Variants in MEF2A observed in about 807,000 individuals in gnomAD.
MEF2A encodes the protein myocyte-specific enhancer factor 2A.
A neutral mutation model predicts 55.8 loss-of-function variants in MEF2A; 28 were observed. That is an observed-to-expected ratio of 0.50 (90% CI 0.37 to 0.69). MEF2A has a LOEUF of 0.69. MEF2A is among the 30% of genes least tolerant of loss of function. The pLI is 0.00. For synonymous variants in MEF2A, 239 were observed against 227.1 expected (o/e 1.05, Z -0.47); for missense variants, 528 against 626.2 (o/e 0.84, Z 1.67).
At chr15:99,638,468 C>A (rs117815364) in intron 3 of MEF2A, among the ~76,000 whole-genome samples, 1 of 151,870 alleles carries the variant, frequency 6.6e-6, no homozygotes, top group African/African-American at 2.4e-5. Flanking sequence ...GTATTTTGTC[C>A]TCCTGTATTT....
rs2040555742 is a variant in MEF2A at position 99,618,379 on chromosome 15, C to T, written c.-142-14599C>T. 2.6e-5 allele frequency among the ~76,000 whole-genome samples: 4 copies of T among 152,050 alleles called. No homozygotes were observed. In the South Asian group the frequency reaches 8.3e-4, roughly 32 times the overall value. Reference sequence around the variant, plus strand: ...TACAGGAGACTAAAGAGACTGACAACTAAATGTGATATATAATCCTGAATT... The same window carrying T: ...TACAGGAGACTAAAGAGACTGACAATTAAATGTGATATATAATCCTGAATT... On this transcript the variant is annotated intron_variant, in intron 2 of 11. Coordinates refer to ENST00000557942, the MANE Select transcript of MEF2A (RefSeq NM_001319206.4).
chr15:99,668,273 A>G (rs1428688598), intron 4 of MEF2A, among the ~76,000 whole-genome samples: 1 of 152,230 alleles, frequency 6.6e-6, no homozygotes. Flanking sequence ...TGGAACATGT[A>G]TAGAACAGGG....
At chr15:99,695,595 CA>C (rs2056338160) in intron 8 of MEF2A, among the ~76,000 whole-genome samples, 1 of 137,032 alleles carries the variant, frequency 7.3e-6, no homozygotes. Flanking sequence ...TGTGGTGGCT[CA>C]TGCCTGTAAT....
chr15:99,600,530 T>C (rs1183436026), intron 2 of MEF2A, among the ~76,000 whole-genome samples: 1 of 152,190 alleles, frequency 6.6e-6, no homozygotes, highest in Non-Finnish European at 1.5e-5. Flanking sequence ...TCTTGGAACT[T>C]CTTTGGACTA....
At chr15:99,685,592 A>G (rs546890911) in intron 7 of MEF2A, among the ~76,000 whole-genome samples, 1 of 152,182 alleles carries the variant, frequency 6.6e-6, no homozygotes, top group East Asian at 1.9e-4. Flanking sequence ...ACTTTAAGAT[A>G]TGCCCCTTCT....
At chr15:99,691,432 T>C (rs1468798916) in intron 8 of MEF2A, among the ~76,000 whole-genome samples, 1 of 152,176 alleles carries the variant, frequency 6.6e-6, no homozygotes, top group Non-Finnish European at 1.5e-5. Flanking sequence ...GTACAGTGGC[T>C]CACACCTGTA....
intron 2 of MEF2A, among the ~76,000 whole-genome samples, chr15:99,614,555 G>A (rs900348472): frequency 1.3e-5 from 2 of 152,226 alleles, no homozygotes; most frequent in African/African-American, 4.8e-5. Context: ...CTTGGTTACA[G>A]TTTGGTTGGG....
intron 7 of MEF2A, among the ~76,000 whole-genome samples, chr15:99,688,328 A>C (rs2054698711): frequency 6.6e-6 from 1 of 152,232 alleles, no homozygotes; most frequent in Non-Finnish European, 1.5e-5. Flanking sequence ...ATTAACTTAC[A>C]TGTAACCGAA....
rs190614459 is a variant in MEF2A, at chr15:99,666,053, G to T, written c.259-5270G>T. 3.4e-3 allele frequency among the ~76,000 whole-genome samples: 519 copies of T among 152,216 alleles called. 4 individuals are homozygous for T. The highest frequency in any genetic ancestry group is 0.012 in the African/African-American group (487 of 41,528). On this transcript the variant is annotated intron_variant, in intron 4 of 11. Transcript: ENST00000557942. ...GTGATTCCTCAAGGATCTAGAACTA[G>T]AAATACCATTTGACCCAGTAATGCC...
At chr15:99,675,556 C>G in intron 7 of MEF2A, 98 bp downstream of exon 7, 1 of 1,014,348 alleles carries the variant, frequency 9.9e-7, no homozygotes, top group Non-Finnish European at 1.5e-6. Flanking sequence ...AAATTTCCTT[C>G]TGAAGGGTAC....
At chr15:99,630,941 G>T (rs1281716286) in intron 2 of MEF2A, among the ~76,000 whole-genome samples, 2 of 152,074 alleles carry the variant, frequency 1.3e-5, no homozygotes, top group Non-Finnish European at 2.9e-5. Context: ...TCAGTCTCTC[G>T]GGCAGTAGTT....
At chr15:99,602,721 T>G (rs1356662004) in intron 2 of MEF2A, among the ~76,000 whole-genome samples, 1 of 35,276 alleles carries the variant, frequency 2.8e-5, no homozygotes, top group African/African-American at 6.6e-5. Context: ...GCTTTTTGTG[T>G]GTGTGTGTGG....
At chr15:99,642,795 T>C (rs991934998) in intron 3 of MEF2A, among the ~76,000 whole-genome samples, 11 of 152,260 alleles carry the variant, frequency 7.2e-5, no homozygotes, top group Non-Finnish European at 1.5e-4. Context: ...CTGCCACTTT[T>C]GTGAAGAACT....
At chr15:99,694,498 G>T (rs2056101047) in intron 8 of MEF2A, among the ~76,000 whole-genome samples, 1 of 152,158 alleles carries the variant, frequency 6.6e-6, no homozygotes, top group South Asian at 2.1e-4. Flanking sequence ...GTGTCATGTT[G>T]GTGCTCAACA....
chr15:99,652,683 T>C (rs908835196), intron 4 of MEF2A, among the ~76,000 whole-genome samples: 14 of 152,202 alleles, frequency 9.2e-5, no homozygotes, highest in Non-Finnish European at 1.9e-4. Context: ...CCTGCAGGTT[T>C]GGATAGCCAC....
At chr15:99,595,000 G>C (rs899209286) in intron 1 of MEF2A, among the ~76,000 whole-genome samples, 2 of 152,116 alleles carry the variant, frequency 1.3e-5, no homozygotes, top group African/African-American at 4.8e-5. Context: ...TATTGCTATA[G>C]TAGGCATTCA....
rs540021915 is a variant in MEF2A, at chr15:99,609,412, A to G, written c.-143+10901A>G. 2.8e-4 allele frequency among the ~76,000 whole-genome samples: 42 copies of G among 152,356 alleles called. No individual in the cohort carries two copies. The East Asian group carries it at 7.5e-3, about 27-fold the overall frequency. On this transcript the variant is annotated intron_variant, in intron 2 of 11. Transcript: ENST00000557942. ...TTCTGCCTTTATGAAAGTTACATAA[A>G]GCCAAACTGCACTTTCAGGTAATGA... is the stretch of plus-strand genomic sequence containing the variant.
At chr15:99,685,402 T>C (rs1354001432) in intron 7 of MEF2A, among the ~76,000 whole-genome samples, 1 of 152,164 alleles carries the variant, frequency 6.6e-6, no homozygotes. Flanking sequence ...CTTGTAGAAA[T>C]TTTTCACCTC....
Position 99,713,370 on chromosome 15 carries a change from G to A in MEF2A, c.*599G>A, listed in dbSNP as rs549797006. ...AGCCCCACACATAACTGTTTTGCAC[G>A]TGCAAAAATGTATTGGGTCAAGAAG... On this transcript the variant is annotated 3_prime_UTR_variant, in exon 12 of 12. Coordinates refer to ENST00000557942, the MANE Select transcript of MEF2A (RefSeq NM_001319206.4). The A allele has an allele frequency of 8.9e-5, 18 of 202,576 alleles. No individual in the cohort carries two copies. Among genetic ancestry groups the A allele is most frequent in the South Asian group, 1.9e-4 (1 of 5,276 alleles). 12.5% of individuals were successfully genotyped at this position (202,576 alleles called of 1,614,324 possible).
Sources: gnomAD v4.1 joint callset for allele counts (sites outside exome capture counted in the v4.1 genomes callset) on GRCh38, gnomAD v4.1.1 for gene constraint, MANE v1.5 for transcripts, NCBI Gene and HGNC (gene_info 2026-07-23, HGNC 2026-07-21) for gene names.